Variants in CELF2 observed in about 807,000 individuals in gnomAD.
The protein encoded by CELF2 is CUG triplet repeat RNA-binding protein 2.
A neutral mutation model predicts 62.6 loss-of-function variants in CELF2; 8 were observed. The ratio of observed to expected loss-of-function variants is 0.13; its 90% CI spans 0.07 to 0.23. CELF2 has a LOEUF of 0.23. Ranked by LOEUF, CELF2 falls within the 10% of genes least tolerant of loss-of-function variation. The pLI, the probability that CELF2 is intolerant of heterozygous loss-of-function variation, is 1.00. For missense variants in CELF2, 333 were observed against 671.0 expected, an observed-to-expected ratio of 0.50 and a Z score of 5.56; for synonymous variants, 258 against 250.0, an observed-to-expected ratio of 1.03 and a Z score of -0.30.
rs2065971574 is a variant in CELF2 at position 11,224,875 on chromosome 10, C to A, written c.354+7368C>A. Among the ~76,000 whole-genome samples, 1 of 152,136 alleles carries A rather than the reference C, an allele frequency of 6.6e-6. No individual in the cohort carries two copies. Among genetic ancestry groups the A allele is most frequent in the Non-Finnish European group, 1.5e-5 (1 of 68,036 alleles). ...AACACCAAGGTTCTTCCCCCACACACTAGGAAATAGGGAATGGCTGAGCTG... is the reference window on the plus strand; with the variant it reads ...AACACCAAGGTTCTTCCCCCACACAATAGGAAATAGGGAATGGCTGAGCTG... On this transcript the variant is annotated intron_variant, in intron 3 of 12. Coordinates refer to ENST00000633077, the MANE Select transcript of CELF2 (RefSeq NM_001326342.2). The surrounding 1 kb of genome is among the most constrained non-coding windows in gnomAD (Gnocchi z 4.5).
chr10:11,180,293 T>C (rs1588456071), intron 2 of CELF2, among the ~76,000 whole-genome samples: 1 of 152,076 alleles, frequency 6.6e-6, no homozygotes, highest in African/African-American at 2.4e-5. Context: ...CAGCATAGGG[T>C]GGTGGTCGAG....
chr10:11,218,676 C>T (rs535567423), intron 3 of CELF2, among the ~76,000 whole-genome samples: 1 of 152,206 alleles, frequency 6.6e-6, no homozygotes, highest in African/African-American at 2.4e-5. Flanking sequence ...ATAGAAGGTT[C>T]GAAGAAGCAA....
chr10:10,676,255 C>G, the CELF2 span, among the ~76,000 whole-genome samples: 1 of 152,142 alleles, frequency 6.6e-6, no homozygotes, highest in Non-Finnish European at 1.5e-5. Flanking sequence ...TTTTCCTTCT[C>G]CCACCAGAAT....
At chr10:11,112,124 C>T (rs1026526732) in intron 1 of CELF2, among the ~76,000 whole-genome samples, 2 of 152,252 alleles carry the variant, frequency 1.3e-5, no homozygotes, top group Non-Finnish European at 2.9e-5. Context: ...AGAACTTTCT[C>T]AATGGCCTGT....
chr10:10,667,605 G>A, the CELF2 span, among the ~76,000 whole-genome samples: 1 of 152,166 alleles, frequency 6.6e-6, no homozygotes, highest in Non-Finnish European at 1.5e-5. Flanking sequence ...TTATCTGCAG[G>A]AGCAGTATTA....
chr10:11,035,224 C>T (rs1274397436), intron 1 of CELF2, among the ~76,000 whole-genome samples: 1 of 152,176 alleles, frequency 6.6e-6, no homozygotes, highest in Non-Finnish European at 1.5e-5. Flanking sequence ...TCTAACCTTT[C>T]TCCAAGCCGT....
At chr10:10,925,812 T>C (rs188947063) in intron 2 of CELF2, among the ~76,000 whole-genome samples, 261 of 152,212 alleles carry the variant, frequency 1.7e-3, no homozygotes, top group Middle Eastern at 3.4e-3. Context: ...CCCTCTGGCC[T>C]AAGTGACTGG....
chr10:11,088,238 T>C (rs971975787), intron 1 of CELF2, among the ~76,000 whole-genome samples: 24 of 152,126 alleles, frequency 1.6e-4, no homozygotes, highest in African/African-American at 5.8e-4. Flanking sequence ...CCCATGGCTA[T>C]GAGGGGAAAA....
At chr10:10,864,434 G>A (rs990107747) in intron 1 of CELF2, among the ~76,000 whole-genome samples, 6 of 152,120 alleles carry the variant, frequency 3.9e-5, no homozygotes, top group African/African-American at 1.2e-4. Flanking sequence ...TCAGGCTGCC[G>A]TAACAAAATA....
chr10:10,704,579 T>C, the CELF2 span, among the ~76,000 whole-genome samples: 3 of 152,296 alleles, frequency 2.0e-5, no homozygotes, highest in East Asian at 5.8e-4. Flanking sequence ...TTTCAAACTA[T>C]AAAATTAAAA....
chr10:10,804,921 G>A (rs928702259), intron 1 of CELF2, among the ~76,000 whole-genome samples: 9 of 152,126 alleles, frequency 5.9e-5, no homozygotes, highest in Non-Finnish European at 7.3e-5. Flanking sequence ...GATACCCTTC[G>A]GTTCATGTCA....
At chr10:10,514,488 CACAAGAA>C in the CELF2 span, among the ~76,000 whole-genome samples, 1 of 152,148 alleles carries the variant, frequency 6.6e-6, no homozygotes, top group Non-Finnish European at 1.5e-5. Flanking sequence ...AGGATGTTAA[CACAAGAA>C]ACAGCAAGCG....
the CELF2 span, among the ~76,000 whole-genome samples, chr10:10,524,697 A>T: frequency 6.6e-6 from 1 of 152,142 alleles, no homozygotes; most frequent in African/African-American, 2.4e-5. Flanking sequence ...TCTATTTTTT[A>T]TCATAGCAGT....
intron 3 of CELF2, among the ~76,000 whole-genome samples, chr10:11,231,076 C>A (rs1343962899): frequency 6.6e-6 from 1 of 152,162 alleles, no homozygotes; most frequent in Non-Finnish European, 1.5e-5. Context: ...GATGCTGGGT[C>A]TATGTATGTT....
chr10:10,592,050 A>G, the CELF2 span, among the ~76,000 whole-genome samples: 415 of 152,334 alleles, frequency 2.7e-3, 1 homozygote, highest in South Asian at 3.9e-3. Context: ...TCAACATACT[A>G]CTTTCAAGTG....
chr10:10,923,158 T>G (rs1467242651), intron 2 of CELF2: 1 of 152,218 alleles, frequency 6.6e-6, no homozygotes, highest in African/African-American at 2.4e-5. Context: ...TGTAGGCTAA[T>G]GATTAGTGGA....
chr10:10,839,185 A>C (rs1341746761), intron 1 of CELF2, among the ~76,000 whole-genome samples: 1 of 152,122 alleles, frequency 6.6e-6, no homozygotes, highest in Non-Finnish European at 1.5e-5. Flanking sequence ...CCTGGACACG[A>C]GGTGTGCTCA....
intron 2 of CELF2, among the ~76,000 whole-genome samples, chr10:10,959,238 G>A (rs905535837): frequency 1.2e-4 from 19 of 152,138 alleles, no homozygotes; most frequent in East Asian, 3.8e-4. Context: ...GTGACATCGC[G>A]CCACTGCACT....
chr10:10,488,183 T>C, the CELF2 span, among the ~76,000 whole-genome samples: 1 of 152,312 alleles, frequency 6.6e-6, no homozygotes, highest in South Asian at 2.1e-4. Context: ...ATCCTTATTA[T>C]ATTGCCTTTT....
Sources: gnomAD v4.1 joint callset for allele counts (sites outside exome capture counted in the v4.1 genomes callset) on GRCh38, gnomAD v4.1.1 for gene constraint, Gnocchi (gnomAD v3.1) non-coding constraint, MANE v1.5 for transcripts, NCBI Gene and HGNC (gene_info 2026-07-23, HGNC 2026-07-21) for gene names.